The following ROBO2 variants were observed in gnomAD, a reference collection of about 807,000 sequenced individuals.
The protein encoded by ROBO2 is roundabout homolog 2.
ROBO2 carries 53 observed loss-of-function variants against 160.8 expected under a neutral mutation model. The ratio of observed to expected loss-of-function variants is 0.33; its 90% CI spans 0.26 to 0.41. The LOEUF (loss-of-function observed/expected upper bound fraction) is 0.41. ROBO2 is among the 10% of genes least tolerant of loss of function. The probability of loss-of-function intolerance (pLI) is 1.00; values close to 1 mark genes in which losing one functional copy is unlikely to be tolerated. For missense variants in ROBO2, 1,577 were observed against 1,722.4 expected (o/e 0.92, Z 1.49); for synonymous variants, 664 against 611.7 (o/e 1.09, Z -1.26).
chr3:77,423,244 G>T (rs1215737604), intron 2 of ROBO2, among the ~76,000 whole-genome samples: 1 of 152,074 alleles, frequency 6.6e-6, no homozygotes, highest in Non-Finnish European at 1.5e-5. Flanking sequence ...TTCTTTAAAA[G>T]ACTAGATGAA....
At chr3:76,419,080 T>C (rs2075879502) in intron 2 of ROBO2, among the ~76,000 whole-genome samples, 1 of 152,166 alleles carries the variant, frequency 6.6e-6, no homozygotes, top group Non-Finnish European at 1.5e-5. Flanking sequence ...CAACCCCATG[T>C]ATTTTGTTTT....
At chr3:77,194,271 C>T (rs941019673) in intron 2 of ROBO2, among the ~76,000 whole-genome samples, 8 of 152,186 alleles carry the variant, frequency 5.3e-5, no homozygotes, top group African/African-American at 1.9e-4. Context: ...CTCTTCTTGT[C>T]ATTGGCCCCA....
At chr3:76,852,677 C>T (rs1444044382) in intron 2 of ROBO2, among the ~76,000 whole-genome samples, 1 of 152,032 alleles carries the variant, frequency 6.6e-6, no homozygotes, top group Non-Finnish European at 1.5e-5. Flanking sequence ...TATAATACCC[C>T]CAATCTGAAA....
At chr3:76,378,867 G>A (rs1007281859) in intron 2 of ROBO2, among the ~76,000 whole-genome samples, 6 of 152,220 alleles carry the variant, frequency 3.9e-5, no homozygotes, top group African/African-American at 4.8e-5. Flanking sequence ...GCAGTTGGTT[G>A]CTGGAGCAAA....
At chr3:76,345,555 A>C (rs2074481536) in intron 2 of ROBO2, among the ~76,000 whole-genome samples, 1 of 150,500 alleles carries the variant, frequency 6.6e-6, no homozygotes, top group Admixed American at 6.6e-5. Flanking sequence ...TGGGTTCCCT[A>C]GCTGTGATCT....
At chr3:76,854,015 AC>A (rs1559605006) in intron 2 of ROBO2, among the ~76,000 whole-genome samples, 8 of 108,102 alleles carry the variant, frequency 7.4e-5, no homozygotes, top group Admixed American at 2.0e-4. Context: ...AAAAGCATAG[AC>A]TTTCTCTCTC....
chr3:77,548,176 A>C (rs556532378), intron 7 of ROBO2, among the ~76,000 whole-genome samples: 1,598 of 151,374 alleles, frequency 0.011, 22 homozygotes, highest in African/African-American at 0.028. Flanking sequence ...CACACACACA[A>C]AAAGGAGAGA....
chr3:76,790,273 AC>A (rs1198754532), intron 2 of ROBO2, among the ~76,000 whole-genome samples: 2 of 151,744 alleles, frequency 1.3e-5, no homozygotes, highest in East Asian at 3.9e-4. Flanking sequence ...TGTGATAGAA[AC>A]TTTTAGCCAA....
At chr3:76,541,567 T>TGGCATAG (rs1233456634) in intron 2 of ROBO2, among the ~76,000 whole-genome samples, 1 of 152,188 alleles carries the variant, frequency 6.6e-6, no homozygotes, top group African/African-American at 2.4e-5. Flanking sequence ...AAGTGAGAAT[T>TGGCATAG]GGCATAGGAG....
At chr3:76,828,344 C>T (rs1289877704) in intron 2 of ROBO2, among the ~76,000 whole-genome samples, 1 of 151,954 alleles carries the variant, frequency 6.6e-6, no homozygotes, top group African/African-American at 2.4e-5. Context: ...AAATTTTAAT[C>T]AGTTAATTGA....
chr3:76,389,666 A>T (rs1432843829), intron 2 of ROBO2, among the ~76,000 whole-genome samples: 2 of 152,232 alleles, frequency 1.3e-5, no homozygotes, highest in African/African-American at 2.4e-5. Flanking sequence ...AAAGGCATAC[A>T]TTATCCCCAT....
chr3:76,267,650 T>C (rs972736542), intron 2 of ROBO2, among the ~76,000 whole-genome samples: 1 of 152,188 alleles, frequency 6.6e-6, no homozygotes, highest in Non-Finnish European at 1.5e-5. Context: ...GCTTTGTAAA[T>C]TAACTTTTAT....
chr3:76,289,837 T>TC (rs1708715916), intron 2 of ROBO2, among the ~76,000 whole-genome samples: 1 of 152,194 alleles, frequency 6.6e-6, no homozygotes, highest in African/African-American at 2.4e-5. Flanking sequence ...TCTAACTTGT[T>TC]CCATTAGTCA....
chr3:76,665,876 T>TTATA (rs59779503), intron 2 of ROBO2, among the ~76,000 whole-genome samples: 2 of 140,788 alleles, frequency 1.4e-5, no homozygotes, highest in African/African-American at 5.3e-5. Flanking sequence ...TATATACGTA[T>TTATA]TATATATATA....
chr3:76,983,580 A>G (rs1485719352), intron 2 of ROBO2, among the ~76,000 whole-genome samples: 1 of 152,196 alleles, frequency 6.6e-6, no homozygotes, highest in Non-Finnish European at 1.5e-5. Flanking sequence ...TTATGTTGGA[A>G]GAAATATCTA....
At chr3:77,258,108 A>T (rs2058537832) in intron 2 of ROBO2, among the ~76,000 whole-genome samples, 1 of 152,222 alleles carries the variant, frequency 6.6e-6, no homozygotes, top group South Asian at 2.1e-4. Context: ...GTGGGCTGTA[A>T]AGTTTGAAGT....
chr3:77,387,523 T>C (rs2074263986), intron 2 of ROBO2, among the ~76,000 whole-genome samples: 1 of 152,002 alleles, frequency 6.6e-6, no homozygotes, highest in Non-Finnish European at 1.5e-5. Context: ...ATTTGAAGTT[T>C]CCTTTTGATA....
At chr3:76,798,311 A>AGAAG (rs2063925707) in intron 2 of ROBO2, among the ~76,000 whole-genome samples, 1 of 151,298 alleles carries the variant, frequency 6.6e-6, no homozygotes, top group South Asian at 2.1e-4. Context: ...AAAGAAAGAA[A>AGAAG]GAAAAAAGAA....
chr3:77,354,933 A>T (rs2068850924), intron 2 of ROBO2, among the ~76,000 whole-genome samples: 1 of 152,226 alleles, frequency 6.6e-6, no homozygotes, highest in Admixed American at 6.5e-5. Flanking sequence ...GAAATACCGA[A>T]GGTTTCTTTG....
Sources: gnomAD v4.1 joint callset for allele counts (sites outside exome capture counted in the v4.1 genomes callset) on GRCh38, gnomAD v4.1.1 for gene constraint, MANE v1.5 for transcripts, NCBI Gene and HGNC (gene_info 2026-07-23, HGNC 2026-07-21) for gene names.